Variants in CACNB3 observed in about 807,000 individuals in gnomAD.
CACNB3 encodes the protein voltage-dependent L-type calcium channel subunit beta-3.
A neutral mutation model predicts 63.7 loss-of-function variants in CACNB3; 36 were observed. The ratio of observed to expected loss-of-function variants is 0.57; its 90% CI spans 0.43 to 0.75. The LOEUF (loss-of-function observed/expected upper bound fraction) is 0.75. Among genes scored for constraint, CACNB3 ranks in the 30% least tolerant of loss-of-function variants. The pLI is 0.00. For missense variants in CACNB3, 493 were observed against 648.6 expected (o/e 0.76, Z 2.61); for synonymous variants, 241 against 250.6 (o/e 0.96, Z 0.36).
At chr12:48,814,677 G>A (rs1366919382), upstream of CACNB3, 14 of 1,022,910 alleles carry the variant, frequency 1.4e-5, no homozygotes, top group South Asian at 8.4e-5. This position sits in a 1 kb window ranked among gnomAD's most constrained non-coding sequence, Gnocchi z 6.9. Context: ...GCAGTTCCTG[G>A]AGAAAGGAGG....
chr12:48,825,851 TG>T lies in CACNB3; in HGVS notation c.742+84del. 2.1e-6 allele frequency: 2 copies of T among 949,240 alleles called. No individual in the cohort carries two copies. The highest frequency in any genetic ancestry group is 5.2e-5 in the East Asian group (2 of 38,224). 58.8% of individuals were successfully genotyped at this position (949,240 alleles called of 1,614,324 possible). A position where few individuals can be genotyped will look rare whatever the true frequency, so the allele number is the denominator to read the frequency against. ...CTCCTCCCTTTTCTTTTTTTTGAGA[TG>T]GAGTCTCGCTCTGTCACCTAGGCTG... On this transcript the variant is annotated intron_variant, in intron 9 of 12. Coordinates refer to ENST00000301050, the MANE Select transcript of CACNB3 (RefSeq NM_000725.4). The surrounding 1 kb of genome is among the most constrained non-coding windows in gnomAD (Gnocchi z 4.5).
upstream of CACNB3, among the ~76,000 whole-genome samples, chr12:48,816,067 G>A (rs954128438): frequency 1.3e-5 from 2 of 152,128 alleles, no homozygotes; most frequent in African/African-American, 4.8e-5. Flanking sequence ...GAATGGTAGG[G>A]GCCTCCACCT....
chr12:48,815,739 G>T (rs776837298), upstream of CACNB3: 22 of 1,405,726 alleles, frequency 1.6e-5, no homozygotes, highest in East Asian at 5.1e-5. Flanking sequence ...GTAACCGTGG[G>T]GGGGGTGTGG....
chr12:48,815,221 G>A (rs531577305), upstream of CACNB3: 25 of 184,392 alleles, frequency 1.4e-4, 1 homozygote, highest in South Asian at 2.7e-3. Context: ...CAAGAGCTCA[G>A]GAGCTGGGGC....
chr12:48,827,965 G>A lies in CACNB3; in HGVS notation c.*66G>A. 1 of 1,384,300 alleles carries A rather than the reference G, an allele frequency of 7.2e-7. No individual in the cohort carries two copies. The highest frequency in any genetic ancestry group is 1.0e-6 in the Non-Finnish European group (1 of 997,840). The allele number at this position is 1,384,300 out of a possible 1,614,324, so 85.8% of individuals were successfully genotyped here. On this transcript the variant is annotated 3_prime_UTR_variant, in exon 13 of 13. Coordinates refer to ENST00000301050, the MANE Select transcript of CACNB3 (RefSeq NM_000725.4). The stretch of plus-strand genomic sequence containing the variant: ...TGGCTGGGGGGCCCACTCCAGGCAG[G>A]GTGGCGTTAGACTGGCATCAGGCTG...
chr12:48,819,013 G>A (rs779761424), intron 1 of CACNB3, 39 bp downstream of exon 1: 2 of 1,587,964 alleles, frequency 1.3e-6, no homozygotes, highest in Middle Eastern at 1.7e-4. Context: ...GGGAAGTTGG[G>A]GTGACACCTC....
intron 1 of CACNB3, chr12:48,821,140 C>T (rs1179127176): frequency 6.6e-6 from 1 of 150,842 alleles, no homozygotes; most frequent in African/African-American, 2.4e-5. Context: ...GCCGACATCG[C>T]ACCATTACAT....
upstream of CACNB3, chr12:48,815,825 G>A: frequency 2.4e-6 from 2 of 843,344 alleles, no homozygotes; most frequent in South Asian, 1.4e-5. Flanking sequence ...CGCGTTTGGG[G>A]GAGACTGCAC....
rs1443457153 is a variant in CACNB3 at position 48,818,709 on chromosome 12, C to T, written c.-221C>T. 1.3e-4 allele frequency: 52 copies of T among 387,732 alleles called. No homozygotes were observed. Among genetic ancestry groups the T allele is most frequent in the South Asian group, 3.2e-4 (7 of 21,836 alleles). 24.0% of individuals were successfully genotyped at this position (387,732 alleles called of 1,614,324 possible). On this transcript the variant is annotated 5_prime_UTR_variant, in exon 1 of 13. Transcript: ENST00000301050. The surrounding 1 kb of genome is among the most constrained non-coding windows in gnomAD (Gnocchi z 4.3). ...TCCTCAGCCGCGCTCGGGGTGGGAC[C>T]GGCTGGGTTTGGGGGGGTGGGGTGG... is the stretch of plus-strand genomic sequence containing the variant.
Position 48,826,705 on chromosome 12 carries a change from G to A in CACNB3, c.895-54G>A. On this transcript the variant is annotated intron_variant, in intron 10 of 12. Transcript: ENST00000301050. This position sits in a 1 kb window ranked among gnomAD's most constrained non-coding sequence, Gnocchi z 4.8. The stretch of plus-strand genomic sequence containing the variant: ...AAATGCCTAGCTCTGCCCGGGCTCA[G>A]CTCTGCCCAGAGTCCTGAGAGACTC... The A allele has an allele frequency of 6.6e-7, 1 of 1,522,532 alleles. No homozygotes were observed. Among genetic ancestry groups the A allele is most frequent in the Non-Finnish European group, 9.1e-7 (1 of 1,097,342 alleles). The allele number at this position is 1,522,532 out of a possible 1,614,324, so 94.3% of individuals were successfully genotyped here.
chr12:48,825,329 C>T lies in CACNB3; in HGVS notation c.573+86C>T, dbSNP rs1035536384. On this transcript the variant is annotated intron_variant, in intron 7 of 12. Coordinates refer to ENST00000301050, the MANE Select transcript of CACNB3 (RefSeq NM_000725.4). The surrounding 1 kb of genome is among the most constrained non-coding windows in gnomAD (Gnocchi z 4.5). ...TAGGGAAAGTGGAAGGGGTGTGTCT[C>T]CTCCGTCCAGGGTGTGTATGTGGAG... 1.6e-5 allele frequency: 25 copies of T among 1,565,790 alleles called. No homozygotes were observed. The highest frequency in any genetic ancestry group is 2.2e-5 in the Non-Finnish European group (25 of 1,137,224).
At chr12:48,816,492 A>C (rs1565661633), upstream of CACNB3, among the ~76,000 whole-genome samples, 2 of 152,224 alleles carry the variant, frequency 1.3e-5, no homozygotes, top group Non-Finnish European at 1.5e-5. Context: ...AGAAGTCACC[A>C]AGTTGGTATT....
Position 48,828,800 on chromosome 12 carries a change from G to A in CACNB3, c.*901G>A, listed in dbSNP as rs1354865548. The A allele has an allele frequency of 4.4e-6, 2 of 456,230 alleles. No homozygotes were observed. Among genetic ancestry groups the A allele is most frequent in the Non-Finnish European group, 8.8e-6 (2 of 226,720 alleles). 28.3% of individuals were successfully genotyped at this position (456,230 alleles called of 1,614,324 possible). A position where few individuals can be genotyped will look rare whatever the true frequency, so the allele number is the denominator to read the frequency against. ...CATAGCTGCCGCTTGTTAGGTTAGG[G>A]TTAGATGGGGAGAGACAGGGCACAG... On this transcript the variant is annotated 3_prime_UTR_variant, in exon 13 of 13. Transcript: ENST00000301050.
intron 12 of CACNB3, 99 bp downstream of exon 12, chr12:48,827,222 C>G: frequency 1.4e-6 from 2 of 1,420,594 alleles, no homozygotes; most frequent in East Asian, 2.3e-5. Context: ...TTCAGCATGC[C>G]AAAGGATTGT....
intron 4 of CACNB3, 133 bp from the exon 5 acceptor site, chr12:48,824,536 C>A: frequency 9.5e-7 from 1 of 1,051,932 alleles, no homozygotes; most frequent in Non-Finnish European, 1.4e-6. Context: ...CAAACACACA[C>A]ACATATTGCA....
At chr12:48,824,572 C>T (rs1565667968) in intron 4 of CACNB3, 97 bp from the exon 5 acceptor site, 1 of 1,249,008 alleles carries the variant, frequency 8.0e-7, no homozygotes, top group Non-Finnish European at 1.2e-6. Flanking sequence ...CTAGATAAAG[C>T]ATATGGAATT....
At chr12:48,827,519 C>A in intron 12 of CACNB3, 66 bp from the exon 13 acceptor site, 1 of 1,419,512 alleles carries the variant, frequency 7.0e-7, no homozygotes, top group Non-Finnish European at 9.7e-7. Context: ...GGAAGAATCT[C>A]GCACCTCACC....
rs760892411 is a variant in CACNB3, at chr12:48,827,056, G to A, written c.1073G>A (p.Arg358Gln). 1.6e-5 allele frequency: 26 copies of A among 1,613,580 alleles called. No individual in the cohort carries two copies. The highest frequency in any genetic ancestry group is 4.5e-5 in the East Asian group (2 of 44,878). ...HLAEYLEVYW[R>Q]ATHHPAPGPG... ...GCTGAGTACCTGGAGGTTTACTGGC[G>A]GGCCACGCACCACCCAGCCCCTGGC... Residue 358 changes from arginine (R) to glutamine (Q), a missense_variant, in exon 12 of 13, where the codon CGG (arginine) becomes CAG (glutamine). Arg to Gln is a conservative substitution (Grantham distance 43). Coordinates refer to ENST00000301050, the MANE Select transcript of CACNB3 (RefSeq NM_000725.4).
rs1266907574 is a variant in CACNB3 at position 48,818,883 on chromosome 12, CCG to C, written c.-45_-44del. On this transcript the variant is annotated 5_prime_UTR_variant, in exon 1 of 13. Coordinates refer to ENST00000301050, the MANE Select transcript of CACNB3 (RefSeq NM_000725.4). This position sits in a 1 kb window ranked among gnomAD's most constrained non-coding sequence, Gnocchi z 4.3. ...CGCAGTCCTTGCCCCTGCCTCCGGG[CCG>C]CTCCCGCCCCCGGCGCCGCTCGCTC... 2.6e-6 allele frequency: 4 copies of C among 1,539,710 alleles called. No individual in the cohort carries two copies. Among genetic ancestry groups the C allele is most frequent in the Non-Finnish European group, 3.5e-6 (4 of 1,142,136 alleles).
Sources: allele counts gnomAD v4.1 joint callset (sites outside exome capture counted in the v4.1 genomes callset), GRCh38; gene constraint gnomAD v4.1.1; non-coding constraint Gnocchi (gnomAD v3.1); transcripts MANE v1.5; gene names NCBI Gene and HGNC (gene_info 2026-07-23, HGNC 2026-07-21).